Variants in RP1 observed in about 807,000 individuals in gnomAD.
The protein encoded by RP1 is oxygen-regulated protein 1.
In RP1, 16 loss-of-function variants were observed where a neutral mutation model predicts 14.8. The ratio of observed to expected loss-of-function variants is 1.08; its 90% CI spans 0.73 to 1.65. The LOEUF (loss-of-function observed/expected upper bound fraction) is 1.65, where lower values mean the gene tolerates loss of function less well. RP1 is among the 40% of genes most tolerant of loss of function. The pLI, the probability that RP1 is intolerant of heterozygous loss-of-function variation, is 0.00. For synonymous variants in RP1, 876 were observed against 883.6 expected (o/e 0.99, Z 0.15); for missense variants, 2,631 against 2,535.0 (o/e 1.04, Z -0.81).
chr8:54,625,822 A>C lies in RP1; in HGVS notation c.1940A>C (p.Asn647Thr). Residue 647 changes from asparagine (N) to threonine (T), a missense_variant, in exon 4 of 4, where the codon AAT becomes ACT. Asn to Thr is a moderately conservative substitution (Grantham distance 65). Transcript: ENST00000220676. ...TVTARIDRLI[N>T]EFAQCGLTKL... ...ACTGCAAGAATTGACAGACTAATTA[A>C]TGAATTTGCTCAGTGTGGTTTAACA... 1 of 1,613,470 alleles carries C rather than the reference A, an allele frequency of 6.2e-7. No homozygotes were observed.
chr8:54,831,642 A>G (rs1043664648), intron 24 of RP1, among the ~76,000 whole-genome samples: 1 of 151,664 alleles, frequency 6.6e-6, no homozygotes, highest in African/African-American at 2.4e-5. Context: ...ATTCCTCATT[A>G]TATTTGCTTT....
At chr8:54,806,319 G>GT (rs200297249) in intron 24 of RP1, among the ~76,000 whole-genome samples, 4,356 of 151,418 alleles carry the variant, frequency 0.029, 115 homozygotes, top group African/African-American at 0.064. Context: ...GTCTGGCCGG[G>GT]TTTTTTTTTA....
At chr8:54,823,476 T>A (rs35622406) in intron 24 of RP1, among the ~76,000 whole-genome samples, 47,869 of 151,852 alleles carry the variant, frequency 0.32, 7,704 homozygotes, top group South Asian at 0.37. Context: ...GATTACAGGC[T>A]TGTGGCACCA....
chr8:54,607,853 A>G (rs1411032894), intron 1 of RP1, among the ~76,000 whole-genome samples: 1 of 152,166 alleles, frequency 6.6e-6, no homozygotes, highest in Non-Finnish European at 1.5e-5. Context: ...CATGCGTGGG[A>G]TATAATCTCC....
chr8:54,625,025 G>T lies in RP1; in HGVS notation c.1143G>T (p.Lys381Asn). ...CAGAAAGTCGATCATCTGGTTTAAA[G>T]CTTGCAGCATGTTCATTCTCTGCAG... ...GRTESRSSGL[K>N]LAACSFSADV... Residue 381 changes from lysine to asparagine, a missense_variant, in exon 4 of 4, where the codon AAG (lysine) becomes AAT (asparagine). Transcript: ENST00000220676. 1.9e-6 allele frequency: 3 copies of T among 1,614,190 alleles called. No homozygotes were observed. The highest frequency in any genetic ancestry group is 2.5e-6 in the Non-Finnish European group (3 of 1,180,030).
chr8:54,672,302 T>C (rs1331266934), intron 7 of RP1, among the ~76,000 whole-genome samples: 1 of 152,168 alleles, frequency 6.6e-6, no homozygotes, highest in African/African-American at 2.4e-5. Context: ...TTTGGATGTA[T>C]GGTCCACTCT....
intron 12 of RP1, among the ~76,000 whole-genome samples, chr8:54,683,995 GT>G (rs35978244): frequency 0.29 from 38,233 of 131,924 alleles, 5,125 homozygotes; most frequent in East Asian, 0.42. Context: ...TTGCTTGAGA[GT>G]TTTTTTTTTT....
chr8:54,719,380 C>T (rs1808483457), intron 15 of RP1, among the ~76,000 whole-genome samples: 1 of 152,150 alleles, frequency 6.6e-6, no homozygotes, highest in Admixed American at 6.5e-5. Context: ...TTGGTTCTTA[C>T]TGAAAGAAGC....
At chr8:54,652,888 C>T (rs1256100465) in intron 5 of RP1, 1 of 1,507,074 alleles carries the variant, frequency 6.6e-7, no homozygotes, top group Non-Finnish European at 8.9e-7. Flanking sequence ...TCAACACTTT[C>T]CCATTCTTTG....
At chr8:54,697,251 G>C in intron 12 of RP1, 2 of 596,090 alleles carry the variant, frequency 3.4e-6, no homozygotes, top group Non-Finnish European at 6.0e-6. Context: ...GGAAAGGAAG[G>C]GTCAAAAAAA....
At chr8:54,849,930 A>G (rs937716424) in intron 25 of RP1, among the ~76,000 whole-genome samples, 1 of 152,224 alleles carries the variant, frequency 6.6e-6, no homozygotes, top group African/African-American at 2.4e-5. Flanking sequence ...GTGAAAATAC[A>G]TAGTGTAGCT....
intron 24 of RP1, among the ~76,000 whole-genome samples, chr8:54,825,178 C>A (rs890238767): frequency 6.6e-6 from 1 of 152,072 alleles, no homozygotes; most frequent in Admixed American, 6.5e-5. Flanking sequence ...CCAGGGTGGT[C>A]TTGATCTCCC....
chr8:54,613,193 G>C (rs527808120), upstream of RP1, among the ~76,000 whole-genome samples: 2 of 152,250 alleles, frequency 1.3e-5, no homozygotes, highest in East Asian at 3.9e-4. Context: ...GGCCATTTAG[G>C]TTCAATATCC....
At chr8:54,642,566 T>C (rs1806472472) in intron 3 of RP1, among the ~76,000 whole-genome samples, 1 of 152,158 alleles carries the variant, frequency 6.6e-6, no homozygotes, top group Non-Finnish European at 1.5e-5. Context: ...GCTTTATTCT[T>C]TTAAAATAGT....
intron 1 of RP1, among the ~76,000 whole-genome samples, chr8:54,599,221 C>T (rs1293198136): frequency 6.6e-6 from 1 of 151,988 alleles, no homozygotes; most frequent in Admixed American, 6.6e-5. Flanking sequence ...CCTGTCTTTT[C>T]CATGATGCTG....
chr8:54,848,905 C>T (rs887243568), intron 25 of RP1, among the ~76,000 whole-genome samples: 3 of 152,114 alleles, frequency 2.0e-5, no homozygotes, highest in Admixed American at 6.6e-5. Context: ...CCTGCCACCA[C>T]GCCCTGCGAA....
intron 17 of RP1, among the ~76,000 whole-genome samples, chr8:54,729,907 CTTG>C (rs906293736): frequency 3.3e-5 from 5 of 151,646 alleles, no homozygotes; most frequent in Non-Finnish European, 5.9e-5. Context: ...AATGGTTATT[CTTG>C]TTGTAATTTT....
chr8:54,597,537 A>G (rs898913290), intron 1 of RP1, among the ~76,000 whole-genome samples: 2 of 152,100 alleles, frequency 1.3e-5, no homozygotes, highest in African/African-American at 2.4e-5. Context: ...GTTCCCATGT[A>G]TTTCTCATTA....
chr8:54,804,241 A>T (rs2129390298), intron 24 of RP1, among the ~76,000 whole-genome samples: 1 of 152,242 alleles, frequency 6.6e-6, no homozygotes, highest in East Asian at 1.9e-4. Flanking sequence ...AACATTTTAT[A>T]TAATTAAAAA....
Sources: allele counts gnomAD v4.1 joint callset (sites outside exome capture counted in the v4.1 genomes callset), GRCh38; gene constraint gnomAD v4.1.1; transcripts MANE v1.5; gene names NCBI Gene and HGNC (gene_info 2026-07-23, HGNC 2026-07-21).